DPYSL4: variants seen among roughly 807,000 people sequenced by gnomAD.
DPYSL4 encodes the protein dihydropyrimidinase-related protein 4.
A neutral mutation model predicts 63.4 loss-of-function variants in DPYSL4; 43 were observed. That is an observed-to-expected ratio of 0.68 (90% CI 0.53 to 0.88). The LOEUF (loss-of-function observed/expected upper bound fraction) is 0.88, where lower values mean the gene tolerates loss of function less well. Ranked by LOEUF, DPYSL4 falls within the 40% of genes least tolerant of loss-of-function variation. The probability of loss-of-function intolerance (pLI) is 0.00; values close to 1 mark genes in which losing one functional copy is unlikely to be tolerated. For synonymous variants in DPYSL4, 353 were observed against 331.7 expected, an observed-to-expected ratio of 1.06 and a Z score of -0.70; for missense variants, 733 against 819.5, an observed-to-expected ratio of 0.89 and a Z score of 1.29.
In DPYSL4 at chr10:132,200,922, T is replaced by C; in HGVS notation, c.1049T>C (p.Leu350Pro). The C allele has an allele frequency of 1.2e-6, 2 of 1,613,318 alleles. No individual in the cohort carries two copies. Among genetic ancestry groups the C allele is most frequent in the Non-Finnish European group, 1.7e-6 (2 of 1,179,978 alleles). Residue 350 changes from leucine to proline, a missense_variant, in exon 10 of 14, where the codon CTG becomes CCG. Transcript: ENST00000338492. Reference protein sequence around the residue: ...QKAVGKDNFALIPEGTNGIEE... With the variant: ...QKAVGKDNFAPIPEGTNGIEE... ...GCTGTGGGCAAGGACAACTTCGCGC[T>C]GATCCCCGAGGGCACCAACGGCATT...
intron 1 of DPYSL4, among the ~76,000 whole-genome samples, chr10:132,188,098 T>C (rs1332971298): frequency 1.3e-5 from 2 of 151,974 alleles, no homozygotes; most frequent in East Asian, 3.9e-4. Context: ...CCCGGCTGGG[T>C]CTGGTCTTGA....
rs1565043237 is a variant in DPYSL4, at chr10:132,198,310, G to C, written c.622-105G>C. ...GCTGGGAAATTCTGGGAGGCCTGGG[G>C]GTCCAGGACCACTTGGGGAATGGGG... On this transcript the variant is annotated intron_variant, in intron 6 of 13. Transcript: ENST00000338492. The C allele has an allele frequency of 2.8e-6, 3 of 1,085,842 alleles. No homozygotes were observed. In the East Asian group the frequency reaches 7.8e-5, roughly 28 times the overall value. 67.3% of individuals were successfully genotyped at this position (1,085,842 alleles called of 1,614,324 possible). A position where few individuals can be genotyped will look rare whatever the true frequency, so the allele number is the denominator to read the frequency against.
At position 132,202,826 on chromosome 10, in the gene DPYSL4, G is replaced by A. The variant is rs1273073575; in HGVS notation, c.1461+1G>A. 1.3e-6 allele frequency: 2 copies of A among 1,587,684 alleles called. No individual in the cohort carries two copies. The highest frequency in any genetic ancestry group is 1.2e-5 in the South Asian group (1 of 86,200). On this transcript the variant is annotated splice_donor_variant, in intron 12 of 13. Coordinates refer to ENST00000338492, the MANE Select transcript of DPYSL4 (RefSeq NM_006426.3). LOFTEE classifies it high-confidence loss of function. Reference sequence around the variant, plus strand: ...CAAGAGGATCAAAGCTCGCAACAGGGTAGGGCGGCACCCGCAAGGGTGTTG... The same window carrying A: ...CAAGAGGATCAAAGCTCGCAACAGGATAGGGCGGCACCCGCAAGGGTGTTG...
Position 132,200,378 on chromosome 10 carries a change from C to T in DPYSL4, c.834C>T (p.Pro278=). 6.2e-7 allele frequency: 1 copy of T among 1,613,320 alleles called. No individual in the cohort carries two copies. Among genetic ancestry groups the T allele is most frequent in the Non-Finnish European group, 8.5e-7 (1 of 1,179,888 alleles). ...CAGGGGTGGTCGTGTTTGGGGAGCC[C>T]ATCACCGCCAGCCTGGGCACCGACG... ...KRRGVVVFGE[P]ITASLGTDGS... Residue 278 remains proline, a synonymous_variant, in exon 9 of 14, where the codon CCC becomes CCT. Coordinates refer to ENST00000338492, the MANE Select transcript of DPYSL4 (RefSeq NM_006426.3).
At chr10:132,190,613 G>A in intron 1 of DPYSL4, 134 bp from the exon 2 acceptor site, 1 of 772,158 alleles carries the variant, frequency 1.3e-6, no homozygotes, top group African/African-American at 1.8e-5. Flanking sequence ...GCCGCTGCAG[G>A]CTTTTGTGCT....
At chr10:132,188,288 G>A (rs553837948) in intron 1 of DPYSL4, among the ~76,000 whole-genome samples, 22 of 152,300 alleles carry the variant, frequency 1.4e-4, no homozygotes, top group Admixed American at 7.8e-4. Context: ...CCCCAGCTGC[G>A]TCTCCTCTGG....
At chr10:132,202,246 C>T (rs947757320) in intron 11 of DPYSL4, 130 bp downstream of exon 11, 6 of 1,209,056 alleles carry the variant, frequency 5.0e-6, no homozygotes, top group Non-Finnish European at 6.8e-6. Context: ...CCAGGGCCGT[C>T]CACACAGCCT....
chr10:132,197,100 A>T lies in DPYSL4; in HGVS notation c.620A>T (p.Glu207Val). Residue 207 changes from glutamate to valine, a missense_variant and splice_region_variant, in exon 6 of 14, where the codon GAG (glutamate) becomes GTG (valine). Physicochemically the swap from Glu to Val is moderately radical, Grantham distance 121 (BLOSUM62 -2). Transcript: ENST00000338492. ...GCTGAGAACGGGGACATCGTGGAGG[A>T]GGTGCCGTGGGGCAGGGCTGCCGTG... ...VHAENGDIVE[E>V]EQKRLLELGI... 4.6e-6 allele frequency: 7 copies of T among 1,508,838 alleles called. No individual in the cohort carries two copies. Among genetic ancestry groups the T allele is most frequent in the Non-Finnish European group, 6.2e-6 (7 of 1,124,712 alleles). 93.5% of individuals were successfully genotyped at this position (1,508,838 alleles called of 1,614,324 possible).
Position 132,194,966 on chromosome 10 carries a change from T to C in DPYSL4, c.435T>C (p.His145=), listed in dbSNP as rs773965679. Residue 145 remains histidine (H), a synonymous_variant, in exon 4 of 14, where the codon CAT becomes CAC. Coordinates refer to ENST00000338492, the MANE Select transcript of DPYSL4 (RefSeq NM_006426.3). Reference sequence around the variant, plus strand: ...TGCACGTGGACATCACCCGATGGCATGAGAGCATCAAGGAGGAGCTGGAGG... The same window carrying C: ...TGCACGTGGACATCACCCGATGGCACGAGAGCATCAAGGAGGAGCTGGAGG... ...YSLHVDITRW[H]ESIKEELEAL... 5.0e-6 allele frequency: 8 copies of C among 1,610,178 alleles called. No individual in the cohort carries two copies. Among genetic ancestry groups the C allele is most frequent in the Non-Finnish European group, 6.8e-6 (8 of 1,179,862 alleles).
chr10:132,192,907 G>GGT (rs1241784890), intron 3 of DPYSL4, 65 bp downstream of exon 3: 4 of 1,488,554 alleles, frequency 2.7e-6, no homozygotes, highest in Non-Finnish European at 3.6e-6. Flanking sequence ...TCTCTGGCCA[G>GGT]GTGTGTGTGG....
At chr10:132,198,327 G>C in intron 6 of DPYSL4, 88 bp from the exon 7 acceptor site, 1 of 1,357,414 alleles carries the variant, frequency 7.4e-7, no homozygotes, top group Non-Finnish European at 1.0e-6. Flanking sequence ...GACCACTTGG[G>C]GAATGGGGCC....
Position 132,191,639 on chromosome 10 carries a change from C to T in DPYSL4, c.128+804C>T, listed in dbSNP as rs1477863249. ...GGCAGGTGAAAGTATGTTCCCAGCT[C>T]GTGTGTACACGCTGGTCACGTGGTA... On this transcript the variant is annotated intron_variant, in intron 2 of 13. Transcript: ENST00000338492. Among the ~76,000 whole-genome samples the T allele has an allele frequency of 4.3e-4, 21 of 48,502 alleles. 3 individuals are homozygous for T. Among genetic ancestry groups the T allele is most frequent in the Non-Finnish European group, 1.7e-4 (4 of 24,218 alleles). 31.8% of individuals were successfully genotyped at this position (48,502 alleles called of 152,430 possible).
At position 132,197,050 on chromosome 10, in the gene DPYSL4, C is replaced by T; in HGVS notation, c.570C>T (p.Asp190=). Residue 190 remains aspartate (D), a synonymous_variant, in exon 6 of 14, where the codon GAC becomes GAT. Transcript: ENST00000338492. The stretch of plus-strand genomic sequence containing the variant: ...ACGAGATCTTCAGCATCATCCGGGA[C>T]CTGGGGGCCTTGGCCCAGGTGCACG... ...QMYEIFSIIR[D]LGALAQVHAE... is the part of the protein sequence containing the mutation. 2 of 1,586,500 alleles carry T rather than the reference C, an allele frequency of 1.3e-6. No individual in the cohort carries two copies. The highest frequency in any genetic ancestry group is 1.7e-6 in the Non-Finnish European group (2 of 1,164,790).
At chr10:132,203,990 G>GT in intron 13 of DPYSL4, 63 bp downstream of exon 13, 1 of 1,541,358 alleles carries the variant, frequency 6.5e-7, no homozygotes, top group Non-Finnish European at 8.8e-7. Context: ...AGGGCCTCAG[G>GT]TACCAGGGCC....
chr10:132,195,691 C>T (rs1266644175), intron 4 of DPYSL4, among the ~76,000 whole-genome samples: 2 of 152,186 alleles, frequency 1.3e-5, no homozygotes, highest in African/African-American at 2.4e-5. Flanking sequence ...CAGAGGGTGA[C>T]GGTCATCACA....
chr10:132,190,147 C>G (rs74161738), intron 1 of DPYSL4, among the ~76,000 whole-genome samples: 1 of 152,274 alleles, frequency 6.6e-6, no homozygotes, highest in Admixed American at 6.5e-5. Context: ...TCTGCGCATT[C>G]GTCACCGACT....
At chr10:132,194,273 C>G (rs1042373394) in intron 3 of DPYSL4, among the ~76,000 whole-genome samples, 1 of 152,254 alleles carries the variant, frequency 6.6e-6, no homozygotes, top group South Asian at 2.1e-4. Context: ...GGAGCTGTGT[C>G]TGGCTGCACC....
chr10:132,187,012 C>CCCCCCCCT lies in DPYSL4; in HGVS notation c.-52_-51insCCCCCCCT. On this transcript the variant is annotated 5_prime_UTR_variant, in exon 1 of 14. Transcript: ENST00000338492. ...TCACGCGTCCCCCCGCCCGCCCGCC[C>CCCCCCCCT]GCCCGCCCGCCCCCGCTTGTGCCGC... 4.5e-6 allele frequency: 1 copy of CCCCCCCCT among 222,370 alleles called. No homozygotes were observed. Among genetic ancestry groups the CCCCCCCCT allele is most frequent in the South Asian group, 7.2e-5 (1 of 13,794 alleles). 13.8% of individuals were successfully genotyped at this position (222,370 alleles called of 1,614,324 possible). A position where few individuals can be genotyped will look rare whatever the true frequency, so the allele number is the denominator to read the frequency against.
rs2062083135 is a variant in DPYSL4, at chr10:132,205,395, G to T, written c.*465G>T. The T allele has an allele frequency of 6.4e-6, 1 of 155,050 alleles. No homozygotes were observed. The highest frequency in any genetic ancestry group is 2.4e-5 in the African/African-American group (1 of 41,524). The allele number at this position is 155,050 out of a possible 1,614,324, so 9.6% of individuals were successfully genotyped here. On this transcript the variant is annotated 3_prime_UTR_variant, in exon 14 of 14. Coordinates refer to ENST00000338492, the MANE Select transcript of DPYSL4 (RefSeq NM_006426.3). ...ACACTCCCGCAGCCGCTCCTCAGAG[G>T]CCTGTGCCCATCGCAGGCCTGGGAG...
Sources: gnomAD v4.1 joint callset for allele counts (sites outside exome capture counted in the v4.1 genomes callset) on GRCh38, gnomAD v4.1.1 for gene constraint, MANE v1.5 for transcripts, NCBI Gene and HGNC (gene_info 2026-07-23, HGNC 2026-07-21) for gene names.